DNMBP: variants seen among roughly 807,000 people sequenced by gnomAD.
The protein encoded by DNMBP is dynamin binding protein.
Under a neutral mutation model 150.0 loss-of-function variants are expected in DNMBP, and 87 were observed. The ratio of observed to expected loss-of-function variants is 0.58; its 90% CI spans 0.49 to 0.69. DNMBP has a LOEUF of 0.69. DNMBP is among the 30% of genes least tolerant of loss of function. DNMBP has a pLI of 0.00. For synonymous variants in DNMBP, 711 were observed against 750.4 expected (o/e 0.95, Z 0.86); for missense variants, 1,774 against 1,949.0 (o/e 0.91, Z 1.69).
At chr10:99,883,981 T>C (rs373446562) in intron 15 of DNMBP, 30 bp downstream of exon 15, 1 of 1,601,670 alleles carries the variant, frequency 6.2e-7, no homozygotes, top group South Asian at 1.1e-5. Flanking sequence ...TTTTTTCCAG[T>C]TACAGTCCTC....
chr10:99,956,452 GT>G lies in DNMBP; in HGVS notation c.1021del (p.Thr341ProfsTer24). On this transcript the variant is annotated frameshift_variant, in exon 4 of 17. Coordinates refer to ENST00000324109, the MANE Select transcript of DNMBP (RefSeq NM_015221.4). LOFTEE classifies it high-confidence loss of function. ...TLGVEEQRHE[T>X]SDHEAEEPDC... is the part of the protein sequence containing the mutation. ...AGGCTCCTCGGCCTCATGGTCACTG[GT>G]TTCATGTCTTTGTTCCTCTACTCCT... 1 of 1,614,036 alleles carries G rather than the reference GT, an allele frequency of 6.2e-7. No individual in the cohort carries two copies. Among genetic ancestry groups the G allele is most frequent in the South Asian group, 1.1e-5 (1 of 91,064 alleles).
intron 8 of DNMBP, 52 bp downstream of exon 8, chr10:99,898,691 G>A (rs1014106413): frequency 1.9e-6 from 3 of 1,600,444 alleles, no homozygotes; most frequent in Non-Finnish European, 1.7e-6. Context: ...AGTTAGTTAG[G>A]AAAAATCCAC....
At chr10:99,886,841 C>A (rs1198788816) in intron 12 of DNMBP, among the ~76,000 whole-genome samples, 2 of 152,164 alleles carry the variant, frequency 1.3e-5, no homozygotes, top group Admixed American at 6.5e-5. Context: ...TCACTAGATA[C>A]CTTCAATTCC....
chr10:100,008,570 G>C (rs7094000), intron 1 of DNMBP, among the ~76,000 whole-genome samples: 17,661 of 152,196 alleles, frequency 0.12, 1,438 homozygotes, highest in African/African-American at 0.22. Flanking sequence ...TAATGAATTT[G>C]AAGATTCGCT....
At chr10:99,951,787 A>G (rs1463770950) in intron 4 of DNMBP, among the ~76,000 whole-genome samples, 1 of 152,216 alleles carries the variant, frequency 6.6e-6, no homozygotes, top group Non-Finnish European at 1.5e-5. Flanking sequence ...GGCAGAAGGG[A>G]CTTGCCTTGT....
chr10:99,894,263 CTG>C (rs1196043690), intron 11 of DNMBP, among the ~76,000 whole-genome samples: 12 of 152,172 alleles, frequency 7.9e-5, no homozygotes, highest in Admixed American at 7.2e-4. Context: ...GAAAGAGACT[CTG>C]TCTCTAAAAG....
chr10:99,929,659 GT>G (rs1463553785), intron 4 of DNMBP: 1 of 702,274 alleles, frequency 1.4e-6, no homozygotes, highest in African/African-American at 1.7e-5. Context: ...AGGGTGCTGG[GT>G]GCTGTGCGGC....
At chr10:99,921,225 C>A (rs2040019387) in intron 4 of DNMBP, among the ~76,000 whole-genome samples, 1 of 152,192 alleles carries the variant, frequency 6.6e-6, no homozygotes, top group Non-Finnish European at 1.5e-5. Context: ...TGTCTCTGGG[C>A]CTTTTCCATC....
intron 4 of DNMBP, among the ~76,000 whole-genome samples, chr10:99,926,372 C>T (rs184817626): frequency 6.6e-6 from 1 of 152,250 alleles, no homozygotes; most frequent in East Asian, 1.9e-4. Context: ...ATAGCCTCGA[C>T]CTGCCAGGCT....
At chr10:99,966,064 G>A (rs1395622638) in intron 3 of DNMBP, among the ~76,000 whole-genome samples, 1 of 152,122 alleles carries the variant, frequency 6.6e-6, no homozygotes, top group Non-Finnish European at 1.5e-5. Context: ...TACAAAAAGA[G>A]AAATTAAAAT....
chr10:99,884,934 T>C (rs2039433175), intron 14 of DNMBP, among the ~76,000 whole-genome samples: 2 of 152,006 alleles, frequency 1.3e-5, no homozygotes, highest in Admixed American at 1.3e-4. Context: ...TTTAAGGTAA[T>C]ATAAATTAAT....
At chr10:99,966,112 A>G (rs763210461) in intron 3 of DNMBP, among the ~76,000 whole-genome samples, 1 of 152,200 alleles carries the variant, frequency 6.6e-6, no homozygotes, top group Non-Finnish European at 1.5e-5. Context: ...AAAAAGGCAA[A>G]TTGCATAGGT....
At chr10:99,950,762 G>A (rs1453424780) in intron 4 of DNMBP, among the ~76,000 whole-genome samples, 2 of 152,178 alleles carry the variant, frequency 1.3e-5, no homozygotes, top group Non-Finnish European at 2.9e-5. Flanking sequence ...GAGGTGACTT[G>A]GGTGCTGTTA....
intron 1 of DNMBP, among the ~76,000 whole-genome samples, chr10:99,978,521 T>G (rs933378571): frequency 5.3e-5 from 8 of 152,242 alleles, no homozygotes; most frequent in African/African-American, 1.9e-4. Context: ...CATAAACATT[T>G]CCCACCAAAC....
chr10:99,961,267 C>CT (rs555063019), intron 3 of DNMBP, among the ~76,000 whole-genome samples: 1,329 of 84,598 alleles, frequency 0.016, 17 homozygotes, highest in Non-Finnish European at 0.021. Context: ...TTCCCTTTTT[C>CT]TTTTTTTTTT....
intron 1 of DNMBP, among the ~76,000 whole-genome samples, chr10:100,008,199 C>A (rs1403606937): frequency 1.3e-5 from 2 of 152,088 alleles, no homozygotes; most frequent in Non-Finnish European, 1.5e-5. Context: ...ATTGATGGAA[C>A]GTTGAGGGAA....
chr10:99,896,052 G>A (rs1203704185), intron 10 of DNMBP, among the ~76,000 whole-genome samples: 1 of 152,158 alleles, frequency 6.6e-6, no homozygotes, highest in East Asian at 1.9e-4. Flanking sequence ...GCTCCTTAGA[G>A]GTGGTGAAAA....
chr10:99,912,243 G>A (rs530405375), intron 4 of DNMBP, among the ~76,000 whole-genome samples: 1 of 152,104 alleles, frequency 6.6e-6, no homozygotes, highest in African/African-American at 2.4e-5. Context: ...TCCCTGGCCT[G>A]GAATCTCAAT....
chr10:99,991,615 C>G (rs1208443441), intron 1 of DNMBP, among the ~76,000 whole-genome samples: 1 of 150,818 alleles, frequency 6.6e-6, no homozygotes, highest in Admixed American at 6.6e-5. Flanking sequence ...TCATGAAGAC[C>G]TTGAAAACAT....
Sources: gnomAD v4.1 joint callset for allele counts (sites outside exome capture counted in the v4.1 genomes callset) on GRCh38, gnomAD v4.1.1 for gene constraint, MANE v1.5 for transcripts, NCBI Gene and HGNC (gene_info 2026-07-23, HGNC 2026-07-21) for gene names.